The following NOL7 variants were observed in gnomAD, a reference collection of about 807,000 sequenced individuals.
NOL7 encodes U3 small nucleolar RNA-associated protein NOL7.
Under a neutral mutation model 38.4 loss-of-function variants are expected in NOL7, and 36 were observed. The ratio of observed to expected loss-of-function variants is 0.94; its 90% CI spans 0.72 to 1.24. The LOEUF is 1.24. Ranked by LOEUF, NOL7 falls within the 50% of genes most tolerant of loss-of-function variation. NOL7 has a pLI of 0.00. For synonymous variants in NOL7, 142 were observed against 126.5 expected (o/e 1.12, Z -0.82); for missense variants, 350 against 315.1 (o/e 1.11, Z -0.84).
intron 2 of NOL7, 128 bp downstream of exon 2, chr6:13,615,900 G>A: frequency 1.0e-6 from 1 of 984,782 alleles, no homozygotes; most frequent in Non-Finnish European, 1.5e-6. Flanking sequence ...CTCTGACAGT[G>A]GTGGAAAGAT....
downstream of NOL7, among the ~76,000 whole-genome samples, chr6:13,622,718 G>A (rs1764485671): frequency 6.6e-6 from 1 of 152,180 alleles, no homozygotes; most frequent in African/African-American, 2.4e-5. Flanking sequence ...AACTCTGGCA[G>A]AATCAGACTT....
chr6:13,628,140 T>C (rs1306412275), intron 8 of NOL7, among the ~76,000 whole-genome samples: 1 of 152,268 alleles, frequency 6.6e-6, no homozygotes, highest in African/African-American at 2.4e-5. Context: ...TTATCATGTC[T>C]ATCATCTAGA....
chr6:13,630,212 A>C (rs957345400), intron 8 of NOL7, among the ~76,000 whole-genome samples: 1 of 152,176 alleles, frequency 6.6e-6, no homozygotes, highest in Non-Finnish European at 1.5e-5. Context: ...TCAGAGTATT[A>C]AGAAAGTCTC....
chr6:13,622,538 T>C (rs1201976938), downstream of NOL7: 1 of 1,503,026 alleles, frequency 6.7e-7, no homozygotes, highest in Non-Finnish European at 8.9e-7. Flanking sequence ...TAGCAAGACA[T>C]TTTAAAAAAC....
At chr6:13,616,550 G>T in intron 3 of NOL7, 29 bp downstream of exon 3, 1 of 1,458,446 alleles carries the variant, frequency 6.9e-7, no homozygotes, top group Non-Finnish European at 9.5e-7. Context: ...TATATTACTT[G>T]CTTATATACA....
downstream of NOL7, chr6:13,625,523 T>A (rs1584905922): frequency 5.6e-6 from 3 of 533,728 alleles, no homozygotes; most frequent in Non-Finnish European, 9.8e-6. Flanking sequence ...ATTTTAGGTA[T>A]TTTTATATTT....
intron 8 of NOL7, chr6:13,632,253 G>A (rs1764808192): frequency 1.1e-6 from 1 of 870,982 alleles, no homozygotes; most frequent in South Asian, 1.9e-5. Flanking sequence ...GGAGCCAGGG[G>A]GAAGGTCAGG....
chr6:13,624,745 C>G (rs190596254), downstream of NOL7, among the ~76,000 whole-genome samples: 11 of 152,352 alleles, frequency 7.2e-5, no homozygotes, highest in Non-Finnish European at 1.6e-4. Flanking sequence ...ATGCTCACCC[C>G]TGGCTAAGCC....
At chr6:13,623,676 T>A (rs1449284362), downstream of NOL7, among the ~76,000 whole-genome samples, 2 of 152,148 alleles carry the variant, frequency 1.3e-5, no homozygotes, top group Admixed American at 6.6e-5. Context: ...ATGTATGAAA[T>A]TTTCATAACA....
downstream of NOL7, among the ~76,000 whole-genome samples, chr6:13,624,560 T>A (rs559358481): frequency 6.6e-6 from 1 of 152,312 alleles, no homozygotes; most frequent in Middle Eastern, 3.4e-3. Flanking sequence ...CTCAAACTTG[T>A]TTTATGTAAA....
intron 3 of NOL7, among the ~76,000 whole-genome samples, chr6:13,617,024 T>A (rs968361619): frequency 1.3e-5 from 2 of 148,976 alleles, no homozygotes; most frequent in African/African-American, 4.9e-5. Context: ...GCCTTCTAAA[T>A]TTTTTTTTTT....
Position 13,620,186 on chromosome 6 carries a change from A to C in NOL7, c.501-22A>C, listed in dbSNP as rs550317513. On this transcript the variant is annotated intron_variant, in intron 5 of 7. Coordinates refer to ENST00000451315, the MANE Select transcript of NOL7 (RefSeq NM_016167.5). ...AAGTAAGCATGTGTAATTCTTATTT[A>C]ACCTTTTATATTGATCAACAGCCAG... 153 of 1,588,464 alleles carry C rather than the reference A, an allele frequency of 9.6e-5. 1 individual carries two copies. In the East Asian group the frequency reaches 2.9e-3, roughly 30 times the overall value.
Position 13,620,386 on chromosome 6 carries a change from GATAA to G in NOL7, c.623-18_623-15del, listed in dbSNP as rs765638058. On this transcript the variant is annotated intron_variant, in intron 6 of 7. Coordinates refer to ENST00000451315, the MANE Select transcript of NOL7 (RefSeq NM_016167.5). ...TTTACTGCAAATAAAACTGTGAAATGATAAATACCTTTCTTTTCTAGTAAATAAG... is the reference window on the plus strand; with the variant it reads ...TTTACTGCAAATAAAACTGTGAAATGATACCTTTCTTTTCTAGTAAATAAG... 1 of 1,613,972 alleles carries G rather than the reference GATAA, an allele frequency of 6.2e-7. No individual in the cohort carries two copies. Among genetic ancestry groups the G allele is most frequent in the Non-Finnish European group, 8.5e-7 (1 of 1,179,920 alleles).
rs918858594 is a variant in NOL7 at position 13,616,035 on chromosome 6, CA to C, written c.327+274del. ...TGGGCGACAGAGCGAGACCCTGTCT[CA>C]AAAAAAAAAAGTTCGTCTCCTTTAG... On this transcript the variant is annotated intron_variant, in intron 2 of 7. Coordinates refer to ENST00000451315, the MANE Select transcript of NOL7 (RefSeq NM_016167.5). Among the ~76,000 whole-genome samples the C allele has an allele frequency of 1.3e-3, 188 of 142,828 alleles. 3 individuals are homozygous for C. The highest frequency in any genetic ancestry group is 7.3e-3 in the Middle Eastern group (2 of 274). The allele number at this position is 142,828 out of a possible 152,430, so 93.7% of individuals were successfully genotyped here.
chr6:13,623,902 TGAA>T (rs891902337), downstream of NOL7, among the ~76,000 whole-genome samples: 1 of 152,192 alleles, frequency 6.6e-6, no homozygotes, highest in Non-Finnish European at 1.5e-5. Flanking sequence ...TAAATTCCCT[TGAA>T]GAACTCAAGA....
chr6:13,632,199 GA>G (rs1176138831), intron 8 of NOL7, among the ~76,000 whole-genome samples: 1 of 113,236 alleles, frequency 8.8e-6, no homozygotes, highest in Non-Finnish European at 1.6e-5. Context: ...CAGTAGATCA[GA>G]ACTGCCTAAC....
intron 5 of NOL7, among the ~76,000 whole-genome samples, chr6:13,619,407 C>T (rs72829112): frequency 0.094 from 14,351 of 152,262 alleles, 842 homozygotes; most frequent in Middle Eastern, 0.15. Context: ...ATTTGAGTTG[C>T]ATTCAGTACA....
downstream of NOL7, among the ~76,000 whole-genome samples, chr6:13,624,959 T>TA (rs528744493): frequency 4.6e-3 from 698 of 152,324 alleles, 2 homozygotes; most frequent in Middle Eastern, 0.014. Context: ...AGGCTGCTGC[T>TA]ACCCATTGCA....
intron 8 of NOL7, among the ~76,000 whole-genome samples, chr6:13,630,394 CAA>C (rs1469633782): frequency 6.6e-6 from 1 of 151,816 alleles, no homozygotes; most frequent in African/African-American, 2.4e-5. Context: ...GAATCAAACA[CAA>C]AGTAAGCTAA....
Sources: allele counts gnomAD v4.1 joint callset (sites outside exome capture counted in the v4.1 genomes callset), GRCh38; gene constraint gnomAD v4.1.1; transcripts MANE v1.5; gene names NCBI Gene and HGNC (gene_info 2026-07-23, HGNC 2026-07-21).